OC90: variants seen among roughly 807,000 people sequenced by gnomAD.
OC90 encodes the protein otoconin 90.
A neutral mutation model predicts 47.3 loss-of-function variants in OC90; 46 were observed. That is an observed-to-expected ratio of 0.97 (90% CI 0.77 to 1.24). The LOEUF (loss-of-function observed/expected upper bound fraction) is 1.24, where lower values mean the gene tolerates loss of function less well. OC90 is among the 50% of genes most tolerant of loss of function. The probability of loss-of-function intolerance (pLI) is 0.00; values close to 1 mark genes in which losing one functional copy is unlikely to be tolerated. For synonymous variants in OC90, 271 were observed against 219.5 expected, an observed-to-expected ratio of 1.23 and a Z score of -2.07; for missense variants, 688 against 583.9, an observed-to-expected ratio of 1.18 and a Z score of -1.84.
chr8:132,049,614 T>C (rs1823186299), intron 2 of OC90, among the ~76,000 whole-genome samples: 1 of 152,238 alleles, frequency 6.6e-6, no homozygotes, highest in African/African-American at 2.4e-5. Context: ...AGCAGCTTTT[T>C]GTTCTCTCAG....
intron 1 of OC90, among the ~76,000 whole-genome samples, chr8:132,056,705 G>T (rs751579388): frequency 6.6e-6 from 1 of 152,164 alleles, no homozygotes; most frequent in Admixed American, 6.5e-5. Flanking sequence ...GACAAGAGAG[G>T]TCTCCAAATG....
intron 2 of OC90, among the ~76,000 whole-genome samples, chr8:132,053,162 G>A (rs552566466): frequency 6.6e-6 from 1 of 152,134 alleles, no homozygotes; most frequent in Admixed American, 6.5e-5. Context: ...ATCCCTGCCT[G>A]ACCCCCAATC....
chr8:132,039,156 G>T, intron 6 of OC90, 33 bp from the exon 7 acceptor site: 1 of 1,566,810 alleles, frequency 6.4e-7, no homozygotes, highest in Non-Finnish European at 8.7e-7. Context: ...CAATTGGAAA[G>T]ATCTCAGCTG....
At chr8:132,048,258 C>T (rs1823161845) in intron 2 of OC90, among the ~76,000 whole-genome samples, 1 of 152,178 alleles carries the variant, frequency 6.6e-6, no homozygotes, top group Non-Finnish European at 1.5e-5. Context: ...TCAAATATGT[C>T]AGTGGGAAAA....
chr8:132,049,951 C>T (rs1823190124), intron 2 of OC90: 2 of 460,668 alleles, frequency 4.3e-6, no homozygotes, highest in Admixed American at 4.0e-5. Context: ...TTTTCTGTTG[C>T]ACCATCTCAC....
At chr8:132,025,798 G>A (rs1822748737) in intron 13 of OC90, among the ~76,000 whole-genome samples, 1 of 152,186 alleles carries the variant, frequency 6.6e-6, no homozygotes, top group African/African-American at 2.4e-5. Context: ...GAAGGATCAA[G>A]GACTGCAGAG....
intron 9 of OC90, among the ~76,000 whole-genome samples, chr8:132,035,149 C>T (rs1822939139): frequency 6.6e-6 from 1 of 152,162 alleles, no homozygotes; most frequent in African/African-American, 2.4e-5. Flanking sequence ...AAGAAAAGTA[C>T]ATTTTGGAAC....
intron 10 of OC90, among the ~76,000 whole-genome samples, chr8:132,033,568 A>G (rs1822908521): frequency 6.6e-6 from 1 of 152,174 alleles, no homozygotes; most frequent in Admixed American, 6.5e-5. Flanking sequence ...AGGCAAGCAA[A>G]ACAACTCCTG....
chr8:132,052,146 G>A (rs75876091), intron 2 of OC90, among the ~76,000 whole-genome samples: 6,848 of 152,148 alleles, frequency 0.045, 230 homozygotes, highest in Non-Finnish European at 0.067. Context: ...CCTTTGCCAG[G>A]TTTGCGGAAT....
At chr8:132,032,831 C>T (rs1234234668) in intron 11 of OC90, among the ~76,000 whole-genome samples, 1 of 152,140 alleles carries the variant, frequency 6.6e-6, no homozygotes, top group African/African-American at 2.4e-5. Context: ...TGGCTCCTCC[C>T]CCCAGGCTCA....
chr8:132,049,962 C>A, intron 2 of OC90: 1 of 438,312 alleles, frequency 2.3e-6, no homozygotes, highest in Non-Finnish European at 4.8e-6. Context: ...ACCATCTCAC[C>A]TCTACGTGAT....
intron 8 of OC90, among the ~76,000 whole-genome samples, chr8:132,038,475 C>A (rs534564787): frequency 3.3e-5 from 5 of 152,248 alleles, no homozygotes; most frequent in Non-Finnish European, 5.9e-5. Flanking sequence ...CCCAGTCACA[C>A]TACATACCAG....
At position 132,041,547 on chromosome 8, in the gene OC90, A is replaced by G; in HGVS notation, c.322T>C (p.Leu108=). 1 of 1,610,668 alleles carries G rather than the reference A, an allele frequency of 6.2e-7. No homozygotes were observed. Among genetic ancestry groups the G allele is most frequent in the Non-Finnish European group, 8.5e-7 (1 of 1,178,564 alleles). The change falls in exon 5 of 14, where the codon TTG becomes CTG. Residue 108 remains leucine (L), a synonymous_variant. Transcript: ENST00000254627. ...TACCTGTCAGATTCATCCACAGGCA[A>G]CCCTTCCATCTCAAACCTGCAGGTG... ...GCTCRFEMEG[L]PVDESDSCCF... is the part of the protein sequence containing the mutation.
intron 2 of OC90, 24 bp downstream of exon 2, chr8:132,054,957 A>G (rs1823262204): frequency 6.6e-7 from 1 of 1,524,744 alleles, no homozygotes; most frequent in Non-Finnish European, 8.9e-7. Context: ...AGCTGGAACT[A>G]TGGTGTAAGA....
At chr8:132,029,627 T>C (rs1178940775) in intron 12 of OC90, among the ~76,000 whole-genome samples, 1 of 152,174 alleles carries the variant, frequency 6.6e-6, no homozygotes, top group South Asian at 2.1e-4. Flanking sequence ...ACATCCACAG[T>C]GCACTGTCAT....
chr8:132,058,258 C>G (rs186826621), intron 1 of OC90, among the ~76,000 whole-genome samples: 1 of 152,264 alleles, frequency 6.6e-6, no homozygotes, highest in African/African-American at 2.4e-5. Context: ...TTCTGAAATC[C>G]AGTATCCTCC....
intron 12 of OC90, among the ~76,000 whole-genome samples, chr8:132,030,634 A>G (rs1009886001): frequency 6.6e-6 from 1 of 152,196 alleles, no homozygotes; most frequent in Non-Finnish European, 1.5e-5. Flanking sequence ...CATGCGGTTG[A>G]ACCTCAGAAT....
intron 13 of OC90, among the ~76,000 whole-genome samples, chr8:132,028,269 C>G (rs552665480): frequency 6.6e-6 from 1 of 151,782 alleles, no homozygotes; most frequent in Non-Finnish European, 1.5e-5. Context: ...TTTGGGAGGC[C>G]GAGGTGGGCA....
intron 11 of OC90, 113 bp from the exon 12 acceptor site, chr8:132,032,165 AC>A: frequency 1.1e-6 from 1 of 902,722 alleles, no homozygotes; most frequent in Non-Finnish European, 1.7e-6. Flanking sequence ...ATGCAAAGGA[AC>A]CCCATGTCTT....
Sources: allele counts gnomAD v4.1 joint callset (sites outside exome capture counted in the v4.1 genomes callset), GRCh38; gene constraint gnomAD v4.1.1; transcripts MANE v1.5; gene names NCBI Gene and HGNC (gene_info 2026-07-23, HGNC 2026-07-21).